The following SRBD1 variants were observed in gnomAD, a reference collection of about 807,000 sequenced individuals.
SRBD1 encodes the protein S1 RNA binding domain 1.
A neutral mutation model predicts 115.3 loss-of-function variants in SRBD1; 88 were observed. The ratio of observed to expected loss-of-function variants is 0.76; its 90% confidence interval spans 0.64 to 0.91. The LOEUF is 0.91. Ranked by LOEUF, SRBD1 falls within the 40% of genes least tolerant of loss-of-function variation. SRBD1 has a pLI of 0.00. For missense variants in SRBD1, 1,385 were observed against 1,177.4 expected (o/e 1.18, Z -2.58); for synonymous variants, 509 against 407.7 (o/e 1.25, Z -2.99).
At chr2:45,435,495 G>C (rs1668465619) in intron 16 of SRBD1, among the ~76,000 whole-genome samples, 1 of 150,634 alleles carries the variant, frequency 6.6e-6, no homozygotes, top group Non-Finnish European at 1.5e-5. Flanking sequence ...GACATCTTAA[G>C]CATTTAGCTA....
At chr2:45,392,825 A>G (rs1667040057) in intron 20 of SRBD1, 120 bp downstream of exon 20, 2 of 943,604 alleles carry the variant, frequency 2.1e-6, no homozygotes, top group African/African-American at 1.7e-5. Flanking sequence ...TATTTTTCTC[A>G]TGTATAAAAT....
rs912755765 is a variant in SRBD1 at position 45,389,447 on chromosome 2, C to A, written c.2851G>T (p.Val951Leu). The A allele has an allele frequency of 6.2e-7, 1 of 1,614,040 alleles. No homozygotes were observed. The highest frequency in any genetic ancestry group is 8.5e-7 in the Non-Finnish European group (1 of 1,179,952). Residue 951 changes from valine (V) to leucine (L), a missense_variant, in exon 21 of 21, where the codon GTA becomes TTA. Physicochemically the swap from Val to Leu is conservative, Grantham distance 32 (BLOSUM62 1). Coordinates refer to ENST00000263736, the MANE Select transcript of SRBD1 (RefSeq NM_018079.5). ...GTTTTTGAAAGTTTTGCTTCTGTTA[C>A]ATTTCGTATGGGAATCAGCCCAGAT... is the stretch of plus-strand genomic sequence containing the variant. ...GKSGLIPIRN[V>L]TEAKLSKTKK...
intron 14 of SRBD1, among the ~76,000 whole-genome samples, chr2:45,504,568 TA>T (rs1264505962): frequency 3.9e-5 from 6 of 152,184 alleles, no homozygotes; most frequent in African/African-American, 7.2e-5. Flanking sequence ...TATTAAAAGG[TA>T]ATAATATGCA....
At chr2:45,595,377 A>C (rs12987297) in intron 4 of SRBD1, among the ~76,000 whole-genome samples, 92,923 of 152,174 alleles carry the variant, frequency 0.61, 30,016 homozygotes, top group Non-Finnish European at 0.74. Context: ...AGTAATACTT[A>C]ATAATTTCCA....
intron 2 of SRBD1, among the ~76,000 whole-genome samples, chr2:45,604,951 C>T (rs1674219195): frequency 1.3e-5 from 2 of 152,166 alleles, no homozygotes; most frequent in Admixed American, 1.3e-4. Context: ...TAGCAGGAAG[C>T]TATTGGCATC....
chr2:45,581,696 G>A lies in SRBD1; in HGVS notation c.930C>T (p.His310=), dbSNP rs779003078. 10 of 1,609,746 alleles carry A rather than the reference G, an allele frequency of 6.2e-6. No individual in the cohort carries two copies. Among genetic ancestry groups the A allele is most frequent in the Middle Eastern group, 1.6e-4 (1 of 6,064 alleles). ...LNCKTFEELE[H]VSAPYKTGSK... ...AAAGATAAAAAGGATTCCTTACCAC[G>A]TGTTCTAGTTCTTCAAAAGTTTTAC... The change falls in exon 6 of 21, where the codon CAC becomes CAT. Residue 310 remains histidine (H), a synonymous_variant. Coordinates refer to ENST00000263736, the MANE Select transcript of SRBD1 (RefSeq NM_018079.5).
At chr2:45,535,739 T>C (rs969827263) in intron 14 of SRBD1, among the ~76,000 whole-genome samples, 4 of 152,050 alleles carry the variant, frequency 2.6e-5, no homozygotes, top group Non-Finnish European at 5.9e-5. Context: ...AATCATCCTA[T>C]CTCACAAATC....
At chr2:45,511,595 CA>C (rs1363874435) in intron 14 of SRBD1, among the ~76,000 whole-genome samples, 1 of 152,176 alleles carries the variant, frequency 6.6e-6, no homozygotes, top group East Asian at 1.9e-4. Flanking sequence ...CAAAAATCAT[CA>C]AATGACCTGT....
chr2:45,609,051 C>T (rs60216068), intron 1 of SRBD1, among the ~76,000 whole-genome samples: 9,673 of 152,170 alleles, frequency 0.064, 471 homozygotes, highest in African/African-American at 0.14. Context: ...AGGTGATCTG[C>T]CTGCCTCGGC....
At chr2:45,414,639 G>C (rs1340417932) in intron 18 of SRBD1, among the ~76,000 whole-genome samples, 1 of 67,282 alleles carries the variant, frequency 1.5e-5, no homozygotes, top group Non-Finnish European at 4.7e-5. Context: ...TGTATATAGT[G>C]TGTATATAGT....
intron 14 of SRBD1, among the ~76,000 whole-genome samples, chr2:45,520,055 C>T (rs113314189): frequency 0.017 from 2,546 of 152,214 alleles, 72 homozygotes; most frequent in African/African-American, 0.058. Flanking sequence ...ACATTTAAAG[C>T]AAGAGACACT....
At chr2:45,492,674 C>T (rs999921719) in intron 14 of SRBD1, among the ~76,000 whole-genome samples, 6 of 151,960 alleles carry the variant, frequency 3.9e-5, no homozygotes, top group Non-Finnish European at 8.8e-5. Flanking sequence ...CTCCTGACCT[C>T]GTGATCCGCC....
chr2:45,539,807 A>G (rs1197180543), intron 14 of SRBD1, among the ~76,000 whole-genome samples: 1 of 152,184 alleles, frequency 6.6e-6, no homozygotes, highest in African/African-American at 2.4e-5. Context: ...CAAAATAAAA[A>G]GCTTACCTTA....
intron 14 of SRBD1, among the ~76,000 whole-genome samples, chr2:45,520,196 A>G (rs975977339): frequency 1.3e-5 from 2 of 152,264 alleles, no homozygotes; most frequent in African/African-American, 4.8e-5. Context: ...CAAAAACAGC[A>G]GCAGGGTACC....
chr2:45,389,579 T>C lies in SRBD1; in HGVS notation c.2719A>G (p.Lys907Glu). ...TCTTCCAGGCATACTATGCTTCTCT[T>C]GAAATCAGGTTTATCAAAATCTGTA... ...FRTDFDKPDF[K>E]RSIVCLEDLQ... is the part of the protein sequence containing the mutation. The change falls in exon 21 of 21, where the codon AAG becomes GAG. Residue 907 changes from lysine (K) to glutamate (E), a missense_variant. Transcript: ENST00000263736. 6.2e-7 allele frequency: 1 copy of C among 1,612,962 alleles called. No individual in the cohort carries two copies. The highest frequency in any genetic ancestry group is 1.3e-5 in the African/African-American group (1 of 74,944).
intron 14 of SRBD1, among the ~76,000 whole-genome samples, chr2:45,536,224 A>T (rs1671758744): frequency 6.6e-6 from 1 of 152,192 alleles, no homozygotes; most frequent in East Asian, 1.9e-4. Flanking sequence ...ATTAAGAAAA[A>T]TACATAAATG....
chr2:45,549,820 G>A lies in SRBD1; in HGVS notation c.1675+1305C>T, dbSNP rs1472254838. ...AGAGGCTGCAGTGAGCTGAGATCACGCCACTGTGCTCCAGCCTGGGTAAAA... is the reference window on the plus strand; with the variant it reads ...AGAGGCTGCAGTGAGCTGAGATCACACCACTGTGCTCCAGCCTGGGTAAAA... On this transcript the variant is annotated intron_variant, in intron 12 of 20. Coordinates refer to ENST00000263736, the MANE Select transcript of SRBD1 (RefSeq NM_018079.5). 5.9e-5 allele frequency among the ~76,000 whole-genome samples: 9 copies of A among 151,670 alleles called. No homozygotes were observed. In the South Asian group the frequency reaches 1.2e-3, roughly 21 times the overall value.
chr2:45,434,448 A>G (rs3770249), intron 16 of SRBD1, among the ~76,000 whole-genome samples: 88,141 of 151,998 alleles, frequency 0.58, 26,693 homozygotes, highest in Non-Finnish European at 0.69. Context: ...CTTGGCTTAC[A>G]TATGTGCACC....
At chr2:45,536,227 C>T (rs993452549) in intron 14 of SRBD1, among the ~76,000 whole-genome samples, 1 of 151,832 alleles carries the variant, frequency 6.6e-6, no homozygotes, top group Non-Finnish European at 1.5e-5. Context: ...AAGAAAAATA[C>T]ATAAATGTAA....
Sources: gnomAD v4.1 joint callset for allele counts (sites outside exome capture counted in the v4.1 genomes callset) on GRCh38, gnomAD v4.1.1 for gene constraint, MANE v1.5 for transcripts, NCBI Gene and HGNC (gene_info 2026-07-23, HGNC 2026-07-21) for gene names.